ANP32A: variants seen among roughly 807,000 people sequenced by gnomAD.
ANP32A encodes the protein acidic nuclear phosphoprotein 32 family member A, also known as acidic leucine-rich nuclear phosphoprotein 32 family member A.
Under a neutral mutation model 33.9 loss-of-function variants are expected in ANP32A, and 1 was observed. The observed-to-expected ratio is 0.03, with a 90% CI of 0.01 to 0.14. The LOEUF is 0.14. Among genes scored for constraint, ANP32A ranks in the 10% least tolerant of loss-of-function variants. The pLI is 1.00. For synonymous variants in ANP32A, 115 were observed against 120.5 expected, an observed-to-expected ratio of 0.95 and a Z score of 0.30; for missense variants, 155 against 306.0, an observed-to-expected ratio of 0.51 and a Z score of 3.68.
chr15:68,802,071 A>C (rs529092670), intron 1 of ANP32A: 1 of 152,586 alleles, frequency 6.6e-6, no homozygotes, highest in Admixed American at 6.5e-5. Context: ...AAGGAGTCTC[A>C]ATCTGGTCCA....
intron 1 of ANP32A, among the ~76,000 whole-genome samples, chr15:68,798,885 C>A (rs1029663534): frequency 6.6e-6 from 1 of 152,208 alleles, no homozygotes; most frequent in Non-Finnish European, 1.5e-5. Context: ...GCAGAGCAAA[C>A]GCCGCCTCGG....
At chr15:68,815,814 G>C (rs150360956) in intron 1 of ANP32A, among the ~76,000 whole-genome samples, 392 of 152,322 alleles carry the variant, frequency 2.6e-3, no homozygotes, top group Middle Eastern at 0.01. Context: ...CCTCACAACA[G>C]GGGTGGCATT....
intron 1 of ANP32A, among the ~76,000 whole-genome samples, chr15:68,808,136 T>G (rs1473666315): frequency 6.6e-6 from 1 of 152,222 alleles, no homozygotes; most frequent in East Asian, 1.9e-4. Context: ...TAGTTTCCAC[T>G]TAGTTACTTC....
Position 68,779,136 on chromosome 15 carries a change from A to T in ANP32A, c.*945T>A, listed in dbSNP as rs1893831192. 1 of 152,150 alleles carries T rather than the reference A, an allele frequency of 6.6e-6. No homozygotes were observed. 9.4% of individuals were successfully genotyped at this position (152,150 alleles called of 1,614,324 possible). ...ATTTCAGATTTCCACTAGGTAAGAA[A>T]ATACAATTTTGCGTTAGTTTTTCCG... is the stretch of plus-strand genomic sequence containing the variant. On this transcript the variant is annotated 3_prime_UTR_variant, in exon 7 of 7. Coordinates refer to ENST00000465139, the MANE Select transcript of ANP32A (RefSeq NM_006305.4).
intron 1 of ANP32A, 39 bp downstream of exon 1, chr15:68,820,656 TAGG>T (rs1294175380): frequency 1.5e-6 from 2 of 1,306,484 alleles, no homozygotes; most frequent in Non-Finnish European, 2.0e-6. Flanking sequence ...ACACACAAAG[TAGG>T]AGAATGGACC....
chr15:68,782,904 G>C (rs572143662), intron 5 of ANP32A, 52 bp downstream of exon 5: 1 of 1,548,626 alleles, frequency 6.5e-7, no homozygotes, highest in South Asian at 1.2e-5. Context: ...GGCAGTCAGT[G>C]GGACTGCCTC....
chr15:68,785,440 A>G (rs547820829), intron 3 of ANP32A, among the ~76,000 whole-genome samples: 48 of 152,296 alleles, frequency 3.2e-4, no homozygotes, highest in Admixed American at 1.2e-3. Flanking sequence ...GTACAAAAAA[A>G]TCCCATCCCA....
chr15:68,814,830 T>C (rs1441582603), intron 1 of ANP32A, among the ~76,000 whole-genome samples: 3 of 152,230 alleles, frequency 2.0e-5, no homozygotes, highest in Non-Finnish European at 4.4e-5. Flanking sequence ...GAAAGGCTGA[T>C]GTGAGCCACT....
Position 68,810,676 on chromosome 15 carries a change from G to A in ANP32A, c.54+10022C>T, listed in dbSNP as rs76696534. On this transcript the variant is annotated intron_variant, in intron 1 of 6. Coordinates refer to ENST00000465139, the MANE Select transcript of ANP32A (RefSeq NM_006305.4). ...TAAGTCAATACTTCATGGCTAAACA[G>A]GAGAGCAACAGGACACCAGAAACTG... Among the ~76,000 whole-genome samples, 1,092 of 152,292 alleles carry A rather than the reference G, an allele frequency of 7.2e-3. 15 individuals are homozygous for A. Among genetic ancestry groups the A allele is most frequent in the African/African-American group, 0.025 (1,028 of 41,558 alleles).
intron 4 of ANP32A, 92 bp downstream of exon 4, chr15:68,784,305 A>C: frequency 2.8e-6 from 4 of 1,425,076 alleles, no homozygotes; most frequent in Non-Finnish European, 2.9e-6. Flanking sequence ...GGGGCCTCCC[A>C]ACACCCAGCC....
intron 1 of ANP32A, among the ~76,000 whole-genome samples, chr15:68,816,368 G>T (rs2140375966): frequency 6.6e-6 from 1 of 152,210 alleles, no homozygotes; most frequent in South Asian, 2.1e-4. Flanking sequence ...ACCCCTGTAT[G>T]CCTCAATTTC....
intron 1 of ANP32A, among the ~76,000 whole-genome samples, chr15:68,809,034 G>T (rs1894277465): frequency 6.6e-6 from 1 of 152,188 alleles, no homozygotes; most frequent in Admixed American, 6.5e-5. Flanking sequence ...GTCTATGGCT[G>T]ATGGAATCCT....
At chr15:68,818,252 T>C in intron 1 of ANP32A, 1 of 273,902 alleles carries the variant, frequency 3.7e-6, no homozygotes, top group South Asian at 2.7e-5. Flanking sequence ...ACATGGCTGC[T>C]CGTCCTATTT....
intron 1 of ANP32A, 140 bp downstream of exon 1, chr15:68,820,558 T>C (rs1894458957): frequency 5.7e-6 from 1 of 176,354 alleles, no homozygotes; most frequent in Non-Finnish European, 1.1e-5. Context: ...GCCTTGCCAA[T>C]TCGCTTGCAG....
chr15:68,791,420 G>T (rs1893996631), intron 1 of ANP32A: 1 of 152,368 alleles, frequency 6.6e-6, no homozygotes, highest in Non-Finnish European at 1.5e-5. Context: ...ACACCTTCCC[G>T]CCCCTACAGC....
chr15:68,786,231 C>T (rs986477857), intron 3 of ANP32A, among the ~76,000 whole-genome samples: 3 of 150,310 alleles, frequency 2.0e-5, no homozygotes, highest in African/African-American at 7.4e-5. Flanking sequence ...TTCTAAGATG[C>T]CTGAGGTGCT....
At chr15:68,817,204 T>A (rs1342864972) in intron 1 of ANP32A, among the ~76,000 whole-genome samples, 1 of 151,966 alleles carries the variant, frequency 6.6e-6, no homozygotes, top group Admixed American at 6.5e-5. Context: ...AGAAAGGCGG[T>A]TTACTTTTTT....
intron 1 of ANP32A, among the ~76,000 whole-genome samples, chr15:68,818,724 C>T (rs560860942): frequency 2.2e-4 from 33 of 151,998 alleles, no homozygotes; most frequent in African/African-American, 7.7e-4. Context: ...GCCAGCCGCG[C>T]CCCCGCACCC....
At chr15:68,813,092 A>G (rs1457965943) in intron 1 of ANP32A, 1 of 152,244 alleles carries the variant, frequency 6.6e-6, no homozygotes, top group Non-Finnish European at 1.5e-5. Context: ...TGGAGTAGTA[A>G]GTAAGCTGAT....
Sources: allele counts gnomAD v4.1 joint callset (sites outside exome capture counted in the v4.1 genomes callset), GRCh38; gene constraint gnomAD v4.1.1; transcripts MANE v1.5; gene names NCBI Gene and HGNC (gene_info 2026-07-23, HGNC 2026-07-21).